Variants in ECT2L observed in about 807,000 individuals in gnomAD.
ECT2L encodes the protein epithelial cell transforming 2 like.
In ECT2L, 126 loss-of-function variants were observed where a neutral mutation model predicts 122.8. That is an observed-to-expected ratio of 1.03 (90% CI 0.89 to 1.19). The LOEUF (loss-of-function observed/expected upper bound fraction) is 1.19. Among genes scored for constraint, ECT2L ranks in the 50% most tolerant of loss-of-function variants. The pLI, the probability that ECT2L is intolerant of heterozygous loss-of-function variation, is 0.00. For missense variants in ECT2L, 1,012 were observed against 1,064.1 expected, an observed-to-expected ratio of 0.95 and a Z score of 0.68; for synonymous variants, 385 against 381.8, an observed-to-expected ratio of 1.01 and a Z score of -0.10.
chr6:138,854,064 G>A lies in ECT2L; in HGVS notation c.1108G>A (p.Val370Met). ...TGTTAAAAATTTACTGAGGCCTGAAGTGAGAGATTTCTGGGAGAAATTAGG... is the reference window on the plus strand; with the variant it reads ...TGTTAAAAATTTACTGAGGCCTGAAATGAGAGATTTCTGGGAGAAATTAGG... ...IGVKNLLRPE[V>M]RDFWEKLGSY... Residue 370 changes from valine to methionine, a missense_variant, in exon 10 of 22, where the codon GTG becomes ATG. Val to Met is a conservative substitution (Grantham distance 21, BLOSUM62 1). Coordinates refer to ENST00000541398, the MANE Select transcript of ECT2L (RefSeq NM_001077706.3). 7 of 1,614,182 alleles carry A rather than the reference G, an allele frequency of 4.3e-6. No homozygotes were observed. In the Admixed American group the frequency reaches 1.0e-4, roughly 23 times the overall value.
intron 20 of ECT2L, among the ~76,000 whole-genome samples, chr6:138,898,147 A>C (rs1779278250): frequency 6.6e-6 from 1 of 152,180 alleles, no homozygotes; most frequent in Non-Finnish European, 1.5e-5. Context: ...TACTCACCAC[A>C]GACTGCCCAT....
intron 3 of ECT2L, among the ~76,000 whole-genome samples, chr6:138,814,204 T>C (rs1269059632): frequency 6.6e-6 from 1 of 152,194 alleles, no homozygotes; most frequent in African/African-American, 2.4e-5. Flanking sequence ...CCAGGAATCA[T>C]TACCTCTTTG....
At chr6:138,898,668 C>G (rs959177344) in intron 20 of ECT2L, among the ~76,000 whole-genome samples, 2 of 152,074 alleles carry the variant, frequency 1.3e-5, no homozygotes, top group African/African-American at 4.8e-5. Flanking sequence ...AACAAAATCA[C>G]CAGGTAAATC....
intron 4 of ECT2L, among the ~76,000 whole-genome samples, chr6:138,819,345 G>C (rs900146026): frequency 6.6e-6 from 1 of 151,488 alleles, no homozygotes; most frequent in African/African-American, 2.4e-5. Context: ...GCCTATATTA[G>C]GCAACATCCA....
rs1776108107 is a variant in ECT2L at position 138,817,454 on chromosome 6, T to C, written c.179+2851T>C. Among the ~76,000 whole-genome samples, 3 of 152,230 alleles carry C rather than the reference T, an allele frequency of 2.0e-5. No individual in the cohort carries two copies. In the South Asian group the frequency reaches 6.2e-4, roughly 31 times the overall value. On this transcript the variant is annotated intron_variant, in intron 4 of 21. Transcript: ENST00000541398. The stretch of plus-strand genomic sequence containing the variant: ...TATTTGAATACTTGAAATGTTTATA[T>C]GTAAGCTAGGCTATATTTGTGCAAT...
chr6:138,867,667 A>G (rs1274659469), intron 12 of ECT2L, among the ~76,000 whole-genome samples: 1 of 149,880 alleles, frequency 6.7e-6, no homozygotes, highest in Admixed American at 6.6e-5. Context: ...AAAAAAAAAA[A>G]AAAAAAAAAA....
At position 138,876,487 on chromosome 6, in the gene ECT2L, G is replaced by C. The variant is rs1178981539; in HGVS notation, c.1594G>C (p.Glu532Gln). Residue 532 changes from glutamate (E) to glutamine (Q), a missense_variant, in exon 14 of 22, where the codon GAA (glutamate) becomes CAA (glutamine). Physicochemically the swap from Glu to Gln is conservative, Grantham distance 29. Coordinates refer to ENST00000541398, the MANE Select transcript of ECT2L (RefSeq NM_001077706.3). The stretch of plus-strand genomic sequence containing the variant: ...CAATCTTCAGGAAAGAAATGTTGTA[G>C]AAGACAATTCTTGGGACACAAAGTC... ...SKEDSERNVV[E>Q]DNSWDTKSRL... The C allele has an allele frequency of 5.6e-6, 9 of 1,611,374 alleles. No homozygotes were observed. The highest frequency in any genetic ancestry group is 2.7e-5 in the African/African-American group (2 of 74,968).
intron 10 of ECT2L, among the ~76,000 whole-genome samples, chr6:138,861,633 G>T (rs1047060322): frequency 7.9e-5 from 12 of 152,074 alleles, no homozygotes; most frequent in Admixed American, 7.9e-4. Flanking sequence ...TTAGCCCTTT[G>T]TCAGATGGAT....
chr6:138,871,437 G>C (rs982808572), intron 13 of ECT2L, among the ~76,000 whole-genome samples: 4 of 152,198 alleles, frequency 2.6e-5, no homozygotes, highest in African/African-American at 9.6e-5. Context: ...AGCAGACATA[G>C]AGAACTGCTG....
At chr6:138,882,626 G>T in intron 15 of ECT2L, 98 bp from the exon 16 acceptor site, 1 of 1,422,186 alleles carries the variant, frequency 7.0e-7, no homozygotes. Flanking sequence ...TACCGTAAAG[G>T]ACTAGGGTGA....
At chr6:138,797,801 C>T (rs774658912) in intron 1 of ECT2L, among the ~76,000 whole-genome samples, 11 of 152,142 alleles carry the variant, frequency 7.2e-5, no homozygotes, top group South Asian at 2.1e-4. Flanking sequence ...AGTTCTGACA[C>T]TGTGTACCTG....
At position 138,892,018 on chromosome 6, in the gene ECT2L, C is replaced by T. The variant is rs563311076; in HGVS notation, c.2414+2987C>T. Among the ~76,000 whole-genome samples, 42 of 152,308 alleles carry T rather than the reference C, an allele frequency of 2.8e-4. No individual in the cohort carries two copies. In the South Asian group the frequency reaches 8.1e-3, roughly 29 times the overall value. ...TTTGTAAAATCTCCAGTCATTATTACTCCAGATATTTCTTCTGTCTCTCTT... is the reference window on the plus strand; with the variant it reads ...TTTGTAAAATCTCCAGTCATTATTATTCCAGATATTTCTTCTGTCTCTCTT... On this transcript the variant is annotated intron_variant, in intron 20 of 21. Transcript: ENST00000541398.
Position 138,865,165 on chromosome 6 carries a change from T to C in ECT2L, c.1461T>C (p.Ser487=). Residue 487 remains serine (S), a synonymous_variant, in exon 12 of 22, where the codon AGT becomes AGC. Transcript: ENST00000541398. Reference sequence around the variant, plus strand: ...TCAAGGAACTGCAGAAGAGCATCAGTGGCAGGATGATAGGTAAGCAGTCTT... The same window carrying C: ...TCAAGGAACTGCAGAAGAGCATCAGCGGCAGGATGATAGGTAAGCAGTCTT... ...PFFKELQKSI[S]GRMIGQFMFD... is the part of the protein sequence containing the mutation. The C allele has an allele frequency of 1.2e-6, 2 of 1,611,168 alleles. No homozygotes were observed. The highest frequency in any genetic ancestry group is 1.7e-6 in the Non-Finnish European group (2 of 1,177,838).
chr6:138,902,925 A>G lies in ECT2L; in HGVS notation c.*298A>G, dbSNP rs1779453283. Reference sequence around the variant, plus strand: ...ATGAAACCTAAGACAGAGCAAGCACATTGTGTAAAGCTTTGTTTTATGATC... The same window carrying G: ...ATGAAACCTAAGACAGAGCAAGCACGTTGTGTAAAGCTTTGTTTTATGATC... On this transcript the variant is annotated 3_prime_UTR_variant, in exon 22 of 22. Transcript: ENST00000541398. 2 of 295,648 alleles carry G rather than the reference A, an allele frequency of 6.8e-6. No individual in the cohort carries two copies. The highest frequency in any genetic ancestry group is 1.3e-5 in the Non-Finnish European group (2 of 158,458). The allele number at this position is 295,648 out of a possible 1,614,324, so 18.3% of individuals were successfully genotyped here.
At chr6:138,838,563 T>C (rs1282896425) in intron 5 of ECT2L, 49 bp downstream of exon 5, 2 of 1,559,498 alleles carry the variant, frequency 1.3e-6, no homozygotes, top group Non-Finnish European at 1.7e-6. Flanking sequence ...ACAGCTGTAA[T>C]CTGTAATGAG....
Position 138,838,409 on chromosome 6 carries a change from A to G in ECT2L, c.237A>G (p.Thr79=). 6.2e-7 allele frequency: 1 copy of G among 1,613,770 alleles called. No homozygotes were observed. The highest frequency in any genetic ancestry group is 8.5e-7 in the Non-Finnish European group (1 of 1,179,854). The change falls in exon 5 of 22, where the codon ACA becomes ACG. Residue 79 remains threonine, a synonymous_variant. Transcript: ENST00000541398. Reference sequence around the variant, plus strand: ...AAGTGGCCAAAGTGGACTTCTCTACAGTGTTACCACGCTTCATTTCTCTAT... The same window carrying G: ...AAGTGGCCAAAGTGGACTTCTCTACGGTGTTACCACGCTTCATTTCTCTAT... ...RMQVAKVDFS[T]VLPRFISLYI... is the part of the protein sequence containing the mutation.
chr6:138,854,983 T>G (rs947620244), intron 10 of ECT2L, among the ~76,000 whole-genome samples: 1 of 151,772 alleles, frequency 6.6e-6, no homozygotes, highest in African/African-American at 2.4e-5. Flanking sequence ...TGTTTTTTTT[T>G]GTTGTTGTTG....
At chr6:138,860,513 CATCA>C (rs1213732005) in intron 10 of ECT2L, among the ~76,000 whole-genome samples, 1 of 137,372 alleles carries the variant, frequency 7.3e-6, no homozygotes, top group Admixed American at 7.9e-5. Context: ...GTGCTATAGA[CATCA>C]GTAAGTGAGA....
At chr6:138,876,668 A>C in intron 14 of ECT2L, 110 bp downstream of exon 14, 1 of 559,800 alleles carries the variant, frequency 1.8e-6, no homozygotes, top group Non-Finnish European at 2.8e-6. Context: ...CCTTTGGGGG[A>C]TTAAAAAAAA....
Sources: allele counts gnomAD v4.1 joint callset (sites outside exome capture counted in the v4.1 genomes callset), GRCh38; gene constraint gnomAD v4.1.1; transcripts MANE v1.5; gene names NCBI Gene and HGNC (gene_info 2026-07-23, HGNC 2026-07-21).